Variants in SQOR observed in about 807,000 individuals in gnomAD.
SQOR encodes sulfide:quinone oxidoreductase, mitochondrial.
SQOR carries 39 observed loss-of-function variants against 48.6 expected under a neutral mutation model. The ratio of observed to expected loss-of-function variants is 0.80; its 90% CI spans 0.62 to 1.05. The LOEUF (loss-of-function observed/expected upper bound fraction) is 1.05, where lower values mean the gene tolerates loss of function less well. Among genes scored for constraint, SQOR ranks in the 50% least tolerant of loss-of-function variants. The pLI is 0.00. For synonymous variants in SQOR, 220 were observed against 206.2 expected (o/e 1.07, Z -0.57); for missense variants, 561 against 559.9 (o/e 1.00, Z -0.02).
chr15:45,659,292 G>A (rs922662024), intron 2 of SQOR, 135 bp downstream of exon 2: 18 of 640,428 alleles, frequency 2.8e-5, no homozygotes, highest in Admixed American at 3.9e-5. Flanking sequence ...GGCTTCTCCT[G>A]GGCACAGAAA....
chr15:45,669,909 A>G lies in SQOR; in HGVS notation c.406-19A>G. The G allele has an allele frequency of 6.2e-7, 1 of 1,612,392 alleles. No homozygotes were observed. Among genetic ancestry groups the G allele is most frequent in the African/African-American group, 1.3e-5 (1 of 74,958 alleles). ...GCTTCTTGAGTCCTGGTCTAAAATA[A>G]TGTCTTTTTGTGTTGCAGATCTCCT... is the stretch of plus-strand genomic sequence containing the variant. On this transcript the variant is annotated intron_variant, in intron 3 of 9. Transcript: ENST00000260324.
intron 1 of SQOR, among the ~76,000 whole-genome samples, chr15:45,648,487 T>C (rs912899841): frequency 6.6e-6 from 1 of 152,250 alleles, no homozygotes; most frequent in Non-Finnish European, 1.5e-5. Flanking sequence ...GAATAGATTA[T>C]TTTCCTACCA....
At chr15:45,653,814 AAT>A (rs1239357271) in intron 1 of SQOR, among the ~76,000 whole-genome samples, 3 of 152,164 alleles carry the variant, frequency 2.0e-5, no homozygotes, top group Non-Finnish European at 4.4e-5. Flanking sequence ...ACAAAGACAG[AAT>A]ATGTTTTATA....
rs571386260 is a variant in SQOR at position 45,680,099 on chromosome 15, T to C, written c.865-2379T>C. Among the ~76,000 whole-genome samples the C allele has an allele frequency of 9.2e-5, 14 of 152,320 alleles. No homozygotes were observed. The East Asian group carries it at 2.5e-3, about 27-fold the overall frequency. ...TGTTTGTTTTTTTCTTTCTTTCTTT[T>C]TTTTTGTAGACAGGGTCTCACTCTG... is the stretch of plus-strand genomic sequence containing the variant. On this transcript the variant is annotated intron_variant, in intron 6 of 9. Transcript: ENST00000260324.
intron 1 of SQOR, among the ~76,000 whole-genome samples, chr15:45,651,519 G>T (rs181964250): frequency 0.03 from 4,594 of 152,370 alleles, 276 homozygotes; most frequent in African/African-American, 0.11. Flanking sequence ...CCGAGGAGGT[G>T]CTGAGAGCGA....
At chr15:45,637,250 C>T (rs1895021601) in intron 1 of SQOR, among the ~76,000 whole-genome samples, 1 of 152,114 alleles carries the variant, frequency 6.6e-6, no homozygotes, top group Non-Finnish European at 1.5e-5. Context: ...CTTCCCAAAG[C>T]AACCACCACA....
intron 7 of SQOR, 85 bp from the exon 8 acceptor site, chr15:45,688,252 T>G (rs972027572): frequency 1.1e-6 from 1 of 923,670 alleles, no homozygotes; most frequent in African/African-American, 1.7e-5. Flanking sequence ...GGAATCTTCT[T>G]GTTTACATTA....
intron 4 of SQOR, among the ~76,000 whole-genome samples, chr15:45,673,173 G>C (rs1889973247): frequency 6.6e-6 from 1 of 152,214 alleles, no homozygotes; most frequent in African/African-American, 2.4e-5. Flanking sequence ...CCTGGCTTTA[G>C]TGCCTTTATC....
chr15:45,678,852 C>A (rs899137686), intron 6 of SQOR, among the ~76,000 whole-genome samples: 2 of 152,102 alleles, frequency 1.3e-5, no homozygotes, highest in African/African-American at 4.8e-5. Flanking sequence ...CTCAAATGGC[C>A]TCACTCAAAT....
At chr15:45,664,081 T>C (rs1889769805) in intron 3 of SQOR, among the ~76,000 whole-genome samples, 1 of 152,200 alleles carries the variant, frequency 6.6e-6, no homozygotes, top group African/African-American at 2.4e-5. Flanking sequence ...CTAATTGGTA[T>C]TGGGGCACAT....
At chr15:45,637,633 T>C (rs1895027301) in intron 1 of SQOR, among the ~76,000 whole-genome samples, 1 of 152,186 alleles carries the variant, frequency 6.6e-6, no homozygotes, top group Non-Finnish European at 1.5e-5. Flanking sequence ...GTGTTTGAAA[T>C]GTCAGTCAGG....
At chr15:45,655,032 C>A (rs1305260310) in intron 1 of SQOR, among the ~76,000 whole-genome samples, 1 of 152,170 alleles carries the variant, frequency 6.6e-6, no homozygotes, top group African/African-American at 2.4e-5. Context: ...TGATTGCCAG[C>A]ATCTATGTCT....
intron 4 of SQOR, among the ~76,000 whole-genome samples, chr15:45,672,812 T>A (rs1889968058): frequency 6.6e-6 from 1 of 152,220 alleles, no homozygotes; most frequent in African/African-American, 2.4e-5. Context: ...CATGGCCTCA[T>A]TTGCTTCTGC....
intron 1 of SQOR, among the ~76,000 whole-genome samples, chr15:45,648,321 G>A (rs1889387497): frequency 6.6e-6 from 1 of 152,058 alleles, no homozygotes; most frequent in Non-Finnish European, 1.5e-5. Context: ...GGGATAACAG[G>A]CATGTGCCAC....
intron 6 of SQOR, among the ~76,000 whole-genome samples, chr15:45,681,941 T>G (rs1298154345): frequency 1.3e-5 from 2 of 152,220 alleles, no homozygotes; most frequent in Admixed American, 1.3e-4. Flanking sequence ...CCTTTTCATC[T>G]TAAATTGGTG....
intron 6 of SQOR, among the ~76,000 whole-genome samples, chr15:45,680,114 G>T (rs1890102026): frequency 6.6e-6 from 1 of 152,052 alleles, no homozygotes; most frequent in Non-Finnish European, 1.5e-5. Context: ...TGTAGACAGG[G>T]TCTCACTCTG....
chr15:45,646,488 G>A (rs1352510268), intron 1 of SQOR, among the ~76,000 whole-genome samples: 2 of 152,140 alleles, frequency 1.3e-5, no homozygotes, highest in Non-Finnish European at 2.9e-5. Flanking sequence ...GCTCAGGTTT[G>A]GGCCCTGTGA....
At chr15:45,659,892 C>T (rs914492427) in intron 2 of SQOR, among the ~76,000 whole-genome samples, 1 of 152,164 alleles carries the variant, frequency 6.6e-6, no homozygotes, top group African/African-American at 2.4e-5. Flanking sequence ...ACCTCCTGCC[C>T]AGAGGAAAAT....
chr15:45,658,287 A>G (rs1210007185), intron 1 of SQOR, among the ~76,000 whole-genome samples: 1 of 152,178 alleles, frequency 6.6e-6, no homozygotes, highest in Non-Finnish European at 1.5e-5. Context: ...GTGTGTCGGT[A>G]GCCAGTGATT....
Sources: allele counts gnomAD v4.1 joint callset (sites outside exome capture counted in the v4.1 genomes callset), GRCh38; gene constraint gnomAD v4.1.1; transcripts MANE v1.5; gene names NCBI Gene and HGNC (gene_info 2026-07-23, HGNC 2026-07-21).